The following HIVEP3 variants were observed in gnomAD, a reference collection of about 807,000 sequenced individuals.
HIVEP3 encodes the protein transcription factor HIVEP3.
A neutral mutation model predicts 152.8 loss-of-function variants in HIVEP3; 49 were observed. The ratio of observed to expected loss-of-function variants is 0.32; its 90% CI spans 0.26 to 0.41. HIVEP3 has a LOEUF of 0.41. HIVEP3 is among the 10% of genes least tolerant of loss of function. HIVEP3 has a pLI of 1.00. For missense variants in HIVEP3, 2,790 were observed against 3,103.3 expected (o/e 0.90, Z 2.40); for synonymous variants, 1,269 against 1,289.0 (o/e 0.98, Z 0.33).
chr1:41,611,291 C>T (rs1246526420), intron 3 of HIVEP3, among the ~76,000 whole-genome samples: 4 of 152,146 alleles, frequency 2.6e-5, no homozygotes, highest in Admixed American at 6.5e-5. Context: ...AAGCTATACA[C>T]GGGCAAAGGG....
At chr1:41,571,751 C>G (rs1644254135) in intron 5 of HIVEP3, among the ~76,000 whole-genome samples, 1 of 152,156 alleles carries the variant, frequency 6.6e-6, no homozygotes, top group Admixed American at 6.5e-5. Flanking sequence ...CAGGGCCCAG[C>G]AGGCAGCAAA....
intron 1 of HIVEP3, among the ~76,000 whole-genome samples, chr1:41,771,949 G>A (rs1648401701): frequency 6.6e-6 from 1 of 152,162 alleles, no homozygotes; most frequent in Non-Finnish European, 1.5e-5. Context: ...ACAGGCGTGA[G>A]CCACCGCACC....
At chr1:41,585,434 C>T (rs1020793342) in intron 3 of HIVEP3, 116 bp from the exon 4 acceptor site, 11 of 397,982 alleles carry the variant, frequency 2.8e-5, no homozygotes, top group African/African-American at 2.3e-4. Flanking sequence ...CTGGCTGAGA[C>T]CCCTCAAAAG....
intron 2 of HIVEP3, among the ~76,000 whole-genome samples, chr1:41,676,810 C>A (rs542753056): frequency 7.2e-5 from 11 of 152,156 alleles, no homozygotes; most frequent in African/African-American, 2.7e-4. Flanking sequence ...GCGCAGTGAC[C>A]CAGGAGTAGT....
At chr1:41,757,426 A>AT (rs1306019902) in intron 1 of HIVEP3, among the ~76,000 whole-genome samples, 1 of 151,460 alleles carries the variant, frequency 6.6e-6, no homozygotes, top group African/African-American at 2.4e-5. Context: ...CCAAAAAAAT[A>AT]TTTTTTTAAT....
chr1:41,978,765 G>A (rs997831125), intron 1 of HIVEP3, among the ~76,000 whole-genome samples: 1 of 152,186 alleles, frequency 6.6e-6, no homozygotes, highest in African/African-American at 2.4e-5. Flanking sequence ...TGGAGGAGGA[G>A]AAGCATGGGA....
rs528304653 is a variant in HIVEP3 at position 41,986,837 on chromosome 1, A to C, written n.119+48970T>G. ...TCCAGCAGAGTATTAAATGAATACT[A>C]TTTATCAAATATATTTAAACACGAT... On this transcript the variant is annotated intron_variant and non_coding_transcript_variant, in intron 1 of 3. Transcript: ENST00000489103. Among the ~76,000 whole-genome samples, 741 of 152,348 alleles carry C rather than the reference A, an allele frequency of 4.9e-3. 3 individuals carry two copies. Among genetic ancestry groups the C allele is most frequent in the African/African-American group, 0.017 (718 of 41,564 alleles).
At chr1:41,523,961 T>G (rs530803933) in intron 6 of HIVEP3, among the ~76,000 whole-genome samples, 65 of 152,186 alleles carry the variant, frequency 4.3e-4, no homozygotes, top group African/African-American at 1.6e-3. Flanking sequence ...AGTAGGAGAG[T>G]GCAATCCAAG....
chr1:41,722,619 T>C (rs1400425800), intron 1 of HIVEP3, among the ~76,000 whole-genome samples: 1 of 147,224 alleles, frequency 6.8e-6, no homozygotes, highest in African/African-American at 2.5e-5. Flanking sequence ...TGAGTATCCA[T>C]TGTATGTGGC....
chr1:41,920,594 TTG>T (rs1644935169), upstream of HIVEP3, among the ~76,000 whole-genome samples: 1 of 148,734 alleles, frequency 6.7e-6, no homozygotes, highest in South Asian at 2.1e-4. Flanking sequence ...TTTTTTTGTT[TTG>T]TTTTTTACCC....
intron 1 of HIVEP3, among the ~76,000 whole-genome samples, chr1:42,021,028 AG>A (rs1282997896): frequency 2.0e-5 from 3 of 152,216 alleles, no homozygotes; most frequent in Non-Finnish European, 4.4e-5. Flanking sequence ...CAGATTTTGC[AG>A]GGTCCTGGAG....
intron 1 of HIVEP3, among the ~76,000 whole-genome samples, chr1:41,986,186 T>G (rs1355834868): frequency 6.6e-6 from 1 of 152,108 alleles, no homozygotes; most frequent in African/African-American, 2.4e-5. Flanking sequence ...ATGTAGAAAA[T>G]GTCTAAAAGA....
In HIVEP3 at chr1:41,895,203, G is replaced by T. The variant is rs370080394; in HGVS notation, c.-801+23210C>A. Among the ~76,000 whole-genome samples the T allele has an allele frequency of 7.2e-5, 11 of 152,310 alleles. No individual in the cohort carries two copies. The East Asian group carries it at 9.6e-4, about 13-fold the overall frequency. ...CAGGGTGGCCCCAAGCAGGCTATGT[G>T]CAGGCTCCCCTGTCCTCTACCTCTC... On this transcript the variant is annotated intron_variant, in intron 1 of 8. Coordinates refer to ENST00000372583, the MANE Select transcript of HIVEP3 (RefSeq NM_024503.5).
intron 2 of HIVEP3, among the ~76,000 whole-genome samples, chr1:41,676,111 G>A (rs1645951322): frequency 6.6e-6 from 1 of 151,836 alleles, no homozygotes; most frequent in Non-Finnish European, 1.5e-5. Context: ...GAGTGCAGTG[G>A]CACCATCTCG....
In HIVEP3 at chr1:41,897,089, G is replaced by C. The variant is rs1408413699; in HGVS notation, c.-801+21324C>G. ...AGATTGGTGTAGGGACCACCACAGT[G>C]GTGTTTTGCAGTCAGGGAGAGAGAT... is the stretch of plus-strand genomic sequence containing the variant. On this transcript the variant is annotated intron_variant, in intron 1 of 8. Transcript: ENST00000372583. Among the ~76,000 whole-genome samples, 4 of 152,108 alleles carry C rather than the reference G, an allele frequency of 2.6e-5. No individual in the cohort carries two copies. In the East Asian group the frequency reaches 7.7e-4, roughly 29 times the overall value.
chr1:41,509,400 G>A lies in HIVEP3; in HGVS notation c.*1051C>T, dbSNP rs1644416727. The A allele has an allele frequency of 3.3e-5, 5 of 152,204 alleles. No individual in the cohort carries two copies. 9.4% of individuals were successfully genotyped at this position (152,204 alleles called of 1,614,324 possible). A position where few individuals can be genotyped will look rare whatever the true frequency, so the allele number is the denominator to read the frequency against. On this transcript the variant is annotated 3_prime_UTR_variant, in exon 9 of 9. Coordinates refer to ENST00000372583, the MANE Select transcript of HIVEP3 (RefSeq NM_024503.5). ...TGCTGTGGAGAACTGGAAAAACCCA[G>A]CCATGAGGGGAACAGGCTCCCTTGT...
At chr1:41,868,361 G>C (rs1192277335) in intron 1 of HIVEP3, among the ~76,000 whole-genome samples, 1 of 152,112 alleles carries the variant, frequency 6.6e-6, no homozygotes, top group East Asian at 1.9e-4. Context: ...CTGCTGATGG[G>C]TGAGAGATGG....
At chr1:41,877,487 G>T (rs1453052436) in intron 1 of HIVEP3, among the ~76,000 whole-genome samples, 1 of 152,112 alleles carries the variant, frequency 6.6e-6, no homozygotes, top group Non-Finnish European at 1.5e-5. Context: ...AACCATATTT[G>T]TGAATGAATT....
intron 1 of HIVEP3, among the ~76,000 whole-genome samples, chr1:41,946,565 A>C (rs1393627818): frequency 6.6e-6 from 1 of 152,146 alleles, no homozygotes; most frequent in Non-Finnish European, 1.5e-5. Flanking sequence ...TTATGCCTGA[A>C]AGCCCCACTC....
Sources: allele counts gnomAD v4.1 joint callset (sites outside exome capture counted in the v4.1 genomes callset), GRCh38; gene constraint gnomAD v4.1.1; transcripts MANE v1.5; gene names NCBI Gene and HGNC (gene_info 2026-07-23, HGNC 2026-07-21).